SORCS3: variants seen among roughly 807,000 people sequenced by gnomAD.
The protein encoded by SORCS3 is VPS10 domain-containing receptor SorCS3.
A neutral mutation model predicts 146.3 loss-of-function variants in SORCS3; 57 were observed. The observed-to-expected ratio is 0.39, with a 90% confidence interval of 0.31 to 0.49. SORCS3 has a LOEUF of 0.49. Ranked by LOEUF, SORCS3 falls within the 20% of genes least tolerant of loss-of-function variation. The probability of loss-of-function intolerance (pLI) is 0.92; values close to 1 mark genes in which losing one functional copy is unlikely to be tolerated. For synonymous variants in SORCS3, 653 were observed against 618.5 expected, an observed-to-expected ratio of 1.06 and a Z score of -0.83; for missense variants, 1,341 against 1,575.5, an observed-to-expected ratio of 0.85 and a Z score of 2.52.
intron 1 of SORCS3, among the ~76,000 whole-genome samples, chr10:104,744,700 TG>T (rs1396946563): frequency 6.6e-6 from 1 of 152,238 alleles, no homozygotes; most frequent in African/African-American, 2.4e-5. Context: ...TTGCAGAATC[TG>T]GACTCCGCCT....
intron 1 of SORCS3, among the ~76,000 whole-genome samples, chr10:104,732,927 C>A (rs1431543600): frequency 6.6e-6 from 1 of 152,006 alleles, no homozygotes; most frequent in Non-Finnish European, 1.5e-5. Context: ...TCTTTCAGGC[C>A]CCATTCATGG....
At chr10:105,194,598 G>A (rs1277106196) in intron 14 of SORCS3, among the ~76,000 whole-genome samples, 2 of 152,068 alleles carry the variant, frequency 1.3e-5, no homozygotes, top group South Asian at 2.1e-4. Flanking sequence ...AAAATTTCAC[G>A]CTCTAGAATT....
chr10:105,164,089 T>G (rs1417006761), intron 11 of SORCS3, among the ~76,000 whole-genome samples: 1 of 152,202 alleles, frequency 6.6e-6, no homozygotes, highest in Non-Finnish European at 1.5e-5. Context: ...CTCATGACAT[T>G]GAATGATGCA....
intron 1 of SORCS3, among the ~76,000 whole-genome samples, chr10:104,714,633 T>C (rs1037507182): frequency 6.6e-6 from 1 of 152,238 alleles, no homozygotes; most frequent in East Asian, 1.9e-4. Flanking sequence ...AGGATTTCTA[T>C]TCTTTTAAAC....
intron 3 of SORCS3, among the ~76,000 whole-genome samples, chr10:104,940,238 A>ATATATATATTTT (rs1435205868): frequency 9.8e-4 from 31 of 31,488 alleles, no homozygotes; most frequent in Non-Finnish European, 1.5e-3. Context: ...ATATATATAT[A>ATATATATATTTT]TTTTTTTTTT....
intron 1 of SORCS3, among the ~76,000 whole-genome samples, chr10:104,817,345 C>T (rs2017808880): frequency 7.0e-6 from 1 of 142,282 alleles, no homozygotes; most frequent in Admixed American, 7.0e-5. Context: ...CCCTGCCTCC[C>T]TCCTCCCCCC....
chr10:104,867,562 G>A (rs2018473752), intron 2 of SORCS3, among the ~76,000 whole-genome samples: 1 of 152,028 alleles, frequency 6.6e-6, no homozygotes, highest in Non-Finnish European at 1.5e-5. Flanking sequence ...GCCCGCCTAG[G>A]CCTCCCAAAG....
chr10:105,165,916 C>T (rs1257258624), intron 12 of SORCS3, among the ~76,000 whole-genome samples: 2 of 152,128 alleles, frequency 1.3e-5, no homozygotes, highest in Non-Finnish European at 2.9e-5. Flanking sequence ...ATAAGGATAA[C>T]TTCTCCCTCC....
Position 105,025,670 on chromosome 10 carries a change from T to C in SORCS3, c.955-17385T>C, listed in dbSNP as rs367813813. 1.1e-4 allele frequency among the ~76,000 whole-genome samples: 17 copies of C among 152,240 alleles called. No individual in the cohort carries two copies. The East Asian group carries it at 2.1e-3, about 19-fold the overall frequency. ...TTGTATTGAGAGCTTTTTCTTTTAA[T>C]AGTCGCCTGTTTGGTTGTTTCCCCA... On this transcript the variant is annotated intron_variant, in intron 4 of 26. Transcript: ENST00000369701.
At chr10:104,842,970 C>G in intron 2 of SORCS3, 111 bp downstream of exon 2, 1 of 838,874 alleles carries the variant, frequency 1.2e-6, no homozygotes, top group East Asian at 2.5e-5. Flanking sequence ...AGTCCTCTTC[C>G]TGGAAGCTCA....
At chr10:105,098,373 C>T (rs954184294) in intron 6 of SORCS3, among the ~76,000 whole-genome samples, 2 of 152,190 alleles carry the variant, frequency 1.3e-5, no homozygotes, top group East Asian at 1.9e-4. Context: ...GAAATTCCCA[C>T]ATTATATTAC....
intron 16 of SORCS3, among the ~76,000 whole-genome samples, chr10:105,201,595 G>T (rs919047122): frequency 2.6e-5 from 4 of 152,138 alleles, no homozygotes; most frequent in Non-Finnish European, 4.4e-5. Flanking sequence ...CCTTGCTGTT[G>T]CCTCCAGCCA....
intron 1 of SORCS3, among the ~76,000 whole-genome samples, chr10:104,815,928 T>C: frequency 6.6e-6 from 1 of 152,358 alleles, no homozygotes; most frequent in Middle Eastern, 3.4e-3. Context: ...TGATATAGAA[T>C]CTATCATAGA....
chr10:104,788,821 C>A (rs2017466044), intron 1 of SORCS3, among the ~76,000 whole-genome samples: 1 of 152,180 alleles, frequency 6.6e-6, no homozygotes, highest in East Asian at 1.9e-4. Context: ...TTTATCACTG[C>A]TAATGATAAG....
At chr10:104,693,439 A>T (rs966985680) in intron 1 of SORCS3, among the ~76,000 whole-genome samples, 5 of 152,350 alleles carry the variant, frequency 3.3e-5, no homozygotes, top group African/African-American at 1.2e-4. Flanking sequence ...AAAACTATTT[A>T]TAAGCCAACA....
chr10:104,778,418 T>C (rs1216744935), intron 1 of SORCS3, among the ~76,000 whole-genome samples: 1 of 152,244 alleles, frequency 6.6e-6, no homozygotes. Flanking sequence ...CAGATAAATC[T>C]GGATTTTAAT....
chr10:105,159,045 A>G (rs766845325), intron 11 of SORCS3, 51 bp downstream of exon 11: 5 of 1,362,636 alleles, frequency 3.7e-6, no homozygotes, highest in South Asian at 3.7e-5. Context: ...GTCTAGAATA[A>G]ATTTGTCACC....
At chr10:105,245,804 C>A in intron 21 of SORCS3, 139 bp downstream of exon 21, 1 of 1,009,972 alleles carries the variant, frequency 9.9e-7, no homozygotes, top group Non-Finnish European at 1.4e-6. Flanking sequence ...AGCTTCCAAA[C>A]CTACCTCCGA....
intron 2 of SORCS3, among the ~76,000 whole-genome samples, chr10:104,855,767 A>T (rs1163801859): frequency 2.7e-5 from 4 of 150,480 alleles, no homozygotes; most frequent in African/African-American, 9.9e-5. Context: ...ACAGGGTCTT[A>T]CTCTATCACC....
Sources: gnomAD v4.1 joint callset for allele counts (sites outside exome capture counted in the v4.1 genomes callset) on GRCh38, gnomAD v4.1.1 for gene constraint, MANE v1.5 for transcripts, NCBI Gene and HGNC (gene_info 2026-07-23, HGNC 2026-07-21) for gene names.